ARL15: variants seen among roughly 807,000 people sequenced by gnomAD.
ARL15 encodes the protein ADP-ribosylation factor-like protein 15.
In ARL15, 19 loss-of-function variants were observed where a neutral mutation model predicts 25.2. The observed-to-expected ratio is 0.75, with a 90% CI of 0.53 to 1.10. The LOEUF (loss-of-function observed/expected upper bound fraction) is 1.10. Among genes scored for constraint, ARL15 ranks in the 50% least tolerant of loss-of-function variants. ARL15 has a pLI of 0.00. For missense variants in ARL15, 220 were observed against 246.0 expected (o/e 0.89, Z 0.71); for synonymous variants, 94 against 86.8 (o/e 1.08, Z -0.46).
chr5:54,168,972 T>G (rs1036713268), intron 2 of ARL15, among the ~76,000 whole-genome samples: 21 of 152,144 alleles, frequency 1.4e-4, no homozygotes, highest in Non-Finnish European at 1.5e-5. Flanking sequence ...GGCAGCTTCC[T>G]CCAAAGAGGC....
At chr5:53,956,406 G>A (rs940925479) in intron 4 of ARL15, among the ~76,000 whole-genome samples, 3 of 149,350 alleles carry the variant, frequency 2.0e-5, no homozygotes, top group Non-Finnish European at 4.5e-5. Context: ...TATAAGGCAT[G>A]CAAAGAAAGA....
intron 4 of ARL15, among the ~76,000 whole-genome samples, chr5:54,066,439 T>C (rs983607635): frequency 3.3e-5 from 5 of 152,204 alleles, no homozygotes; most frequent in East Asian, 3.8e-4. Flanking sequence ...TTATATAGCA[T>C]GAACAATCAG....
chr5:54,285,095 A>G (rs1267525482), intron 1 of ARL15, among the ~76,000 whole-genome samples: 1 of 152,214 alleles, frequency 6.6e-6, no homozygotes, highest in Non-Finnish European at 1.5e-5. Context: ...TATCTCAGAT[A>G]AACTCTGACC....
intron 4 of ARL15, among the ~76,000 whole-genome samples, chr5:54,094,671 C>CA (rs1262589290): frequency 1.3e-5 from 2 of 152,176 alleles, no homozygotes; most frequent in African/African-American, 4.8e-5. Flanking sequence ...TGCTATAAAG[C>CA]AAACAGTTCT....
At chr5:54,029,718 G>A (rs1252782832) in intron 4 of ARL15, among the ~76,000 whole-genome samples, 1 of 152,144 alleles carries the variant, frequency 6.6e-6, no homozygotes, top group Non-Finnish European at 1.5e-5. Context: ...GAATGGCTGG[G>A]CGCGGTGGCT....
intron 4 of ARL15, among the ~76,000 whole-genome samples, chr5:54,084,887 A>C (rs1751915529): frequency 6.6e-6 from 1 of 152,338 alleles, no homozygotes; most frequent in South Asian, 2.1e-4. Flanking sequence ...TAAAGGGACA[A>C]ACATGATATG....
chr5:54,163,850 T>C lies in ARL15; in HGVS notation c.193+7934A>G, dbSNP rs147616250. Among the ~76,000 whole-genome samples, 385 of 152,160 alleles carry C rather than the reference T, an allele frequency of 2.5e-3. 2 individuals are homozygous for C. The highest frequency in any genetic ancestry group is 9.0e-3 in the African/African-American group (373 of 41,574). On this transcript the variant is annotated intron_variant, in intron 2 of 4. Transcript: ENST00000504924. ...AGTTTTACTGACTTTCTCAAAGAAC[T>C]AGCTTTTGGTTTTACTAATTTTCTC...
intron 4 of ARL15, among the ~76,000 whole-genome samples, chr5:54,091,781 GA>G (rs568059007): frequency 5.2e-4 from 76 of 145,422 alleles, no homozygotes; most frequent in East Asian, 1.4e-3. Context: ...AGGAAACACA[GA>G]AAAAAAAAAA....
chr5:53,965,366 T>C (rs1747519207), intron 4 of ARL15, among the ~76,000 whole-genome samples: 3 of 152,200 alleles, frequency 2.0e-5, no homozygotes, highest in East Asian at 1.9e-4. Context: ...TTAAAGACTA[T>C]TTTAGTAAAA....
Position 54,310,551 on chromosome 5 carries a change from C to A in ARL15, c.-72G>T. On this transcript the variant is annotated 5_prime_UTR_variant, in exon 1 of 5. Transcript: ENST00000504924. ...AGCAGCGTCTCTGGCTGCGAGCGAG[C>A]AGCTCCTGAAAAAGCCAGCAACAGC... The A allele has an allele frequency of 1.3e-6, 2 of 1,514,218 alleles. No homozygotes were observed. The highest frequency in any genetic ancestry group is 1.8e-6 in the Non-Finnish European group (2 of 1,118,424). The allele number at this position is 1,514,218 out of a possible 1,614,324, so 93.8% of individuals were successfully genotyped here. A position where few individuals can be genotyped will look rare whatever the true frequency, so the allele number is the denominator to read the frequency against.
intron 1 of ARL15, among the ~76,000 whole-genome samples, chr5:54,285,512 T>C (rs1189932467): frequency 6.6e-6 from 1 of 152,212 alleles, no homozygotes; most frequent in Non-Finnish European, 1.5e-5. Context: ...AATATTCTTT[T>C]AGAGAGCTAT....
chr5:54,218,713 A>G (rs757261850), intron 1 of ARL15, among the ~76,000 whole-genome samples: 4 of 152,154 alleles, frequency 2.6e-5, no homozygotes, highest in Non-Finnish European at 5.9e-5. Flanking sequence ...CAATGGCATC[A>G]CCAGCAGGAA....
chr5:54,026,793 C>A (rs146242276), intron 4 of ARL15, among the ~76,000 whole-genome samples: 70 of 152,204 alleles, frequency 4.6e-4, no homozygotes, highest in African/African-American at 9.9e-4. Flanking sequence ...TGGAGAGACA[C>A]CAATGAATAA....
At chr5:53,997,959 C>G (rs1177579146) in intron 4 of ARL15, among the ~76,000 whole-genome samples, 1 of 151,834 alleles carries the variant, frequency 6.6e-6, no homozygotes, top group Non-Finnish European at 1.5e-5. Context: ...ATCATAATCC[C>G]TCACCTTAAA....
chr5:54,266,689 G>C (rs1190391639), intron 1 of ARL15, among the ~76,000 whole-genome samples: 1 of 152,156 alleles, frequency 6.6e-6, no homozygotes, highest in Non-Finnish European at 1.5e-5. Context: ...TAGAAATATA[G>C]TCAATTAATC....
chr5:54,087,220 C>T (rs369909923), intron 4 of ARL15, among the ~76,000 whole-genome samples: 21 of 151,836 alleles, frequency 1.4e-4, no homozygotes, highest in East Asian at 7.8e-4. Context: ...CCCAGCTACT[C>T]GGGAGGCTCA....
intron 4 of ARL15, among the ~76,000 whole-genome samples, chr5:54,062,203 G>A (rs1277779167): frequency 6.6e-6 from 1 of 152,158 alleles, no homozygotes; most frequent in Non-Finnish European, 1.5e-5. Flanking sequence ...GATTTTACAG[G>A]CTCATAGGTG....
intron 4 of ARL15, among the ~76,000 whole-genome samples, chr5:53,962,576 C>G (rs912933807): frequency 7.2e-5 from 11 of 152,058 alleles, no homozygotes; most frequent in African/African-American, 2.7e-4. Context: ...ACCTCAAAAC[C>G]AAAACATTTG....
intron 1 of ARL15, among the ~76,000 whole-genome samples, chr5:54,177,171 T>C (rs979512074): frequency 6.6e-6 from 1 of 152,238 alleles, no homozygotes; most frequent in African/African-American, 2.4e-5. Flanking sequence ...GAACCCAGTG[T>C]ATCTACTATA....
Sources: gnomAD v4.1 joint callset for allele counts (sites outside exome capture counted in the v4.1 genomes callset) on GRCh38, gnomAD v4.1.1 for gene constraint, MANE v1.5 for transcripts, NCBI Gene and HGNC (gene_info 2026-07-23, HGNC 2026-07-21) for gene names.